ARSB: variants seen among roughly 807,000 people sequenced by gnomAD.
The protein encoded by ARSB is N-acetylgalactosamine-4-sulfatase.
Under a neutral mutation model 50.9 loss-of-function variants are expected in ARSB, and 41 were observed. The ratio of observed to expected loss-of-function variants is 0.81; its 90% CI spans 0.63 to 1.04. The LOEUF (loss-of-function observed/expected upper bound fraction) is 1.04. Among genes scored for constraint, ARSB ranks in the 50% least tolerant of loss-of-function variants. The pLI, the probability that ARSB is intolerant of heterozygous loss-of-function variation, is 0.00. For missense variants in ARSB, 672 were observed against 693.3 expected, an observed-to-expected ratio of 0.97 and a Z score of 0.35; for synonymous variants, 269 against 284.8, an observed-to-expected ratio of 0.94 and a Z score of 0.56.
intron 4 of ARSB, among the ~76,000 whole-genome samples, chr5:78,894,662 T>A (rs1319334873): frequency 6.6e-6 from 1 of 152,148 alleles, no homozygotes; most frequent in African/African-American, 2.4e-5. Flanking sequence ...CAAAAATAAC[T>A]CAATATATCC....
chr5:78,845,631 G>C (rs1041378230), intron 5 of ARSB, among the ~76,000 whole-genome samples: 10 of 152,188 alleles, frequency 6.6e-5, no homozygotes, highest in Admixed American at 3.9e-4. Flanking sequence ...CATGATTAGT[G>C]ATGTTGAGCA....
Position 78,937,356 on chromosome 5 carries a change from ATG to A in ARSB, c.898+17937_898+17938del, listed in dbSNP as rs1271912272. On this transcript the variant is annotated intron_variant, in intron 4 of 7. Coordinates refer to ENST00000264914, the MANE Select transcript of ARSB (RefSeq NM_000046.5). ...TATGTAAGATATATATATCATATAT[ATG>A]TAAGATATATATATGTAAGATATAT... 7.0e-5 allele frequency among the ~76,000 whole-genome samples: 9 copies of A among 129,484 alleles called. 1 individual carries two copies. In the East Asian group the frequency reaches 1.0e-3, roughly 15 times the overall value. The allele number at this position is 129,484 out of a possible 152,430, so 84.9% of individuals were successfully genotyped here.
chr5:78,890,186 A>G (rs1001738653), intron 4 of ARSB, among the ~76,000 whole-genome samples: 13 of 152,062 alleles, frequency 8.5e-5, no homozygotes, highest in African/African-American at 2.9e-4. Flanking sequence ...TTCTCCTGCT[A>G]AAAGATTTTG....
In ARSB at chr5:78,955,320, G is replaced by T. The variant is rs2112483415; in HGVS notation, c.873C>A (p.Asn291Lys). The change falls in exon 4 of 8, where the codon AAC (asparagine) becomes AAA (lysine). Residue 291 changes from asparagine to lysine, a missense_variant. By Grantham distance (94) the Asn-to-Lys change is moderately conservative (BLOSUM62 0). Coordinates refer to ENST00000264914, the MANE Select transcript of ARSB (RefSeq NM_000046.5). ...TAALKSSGLW[N>K]NTVFIFSTDN... ...CTGTAGAAAAGATGAACACCGTGTT[G>T]TTCCAGAGCCCACTGCTTTTTAAAG... 1 of 1,614,184 alleles carries T rather than the reference G, an allele frequency of 6.2e-7. No individual in the cohort carries two copies.
intron 2 of ARSB, among the ~76,000 whole-genome samples, chr5:78,965,318 T>A (rs2112516803): frequency 6.6e-6 from 1 of 152,296 alleles, no homozygotes; most frequent in East Asian, 1.9e-4. Context: ...AAATGTTCCA[T>A]CTTTTCTATA....
At chr5:78,957,099 T>C (rs1278041352) in intron 3 of ARSB, among the ~76,000 whole-genome samples, 3 of 152,160 alleles carry the variant, frequency 2.0e-5, no homozygotes, top group African/African-American at 7.2e-5. Context: ...CAGGTCAGCT[T>C]CTCCTTTTTA....
chr5:78,897,356 T>C (rs190320605), intron 4 of ARSB, among the ~76,000 whole-genome samples: 1 of 152,254 alleles, frequency 6.6e-6, no homozygotes, highest in Admixed American at 6.5e-5. Flanking sequence ...ATACTCTCAG[T>C]AAAAACCACT....
rs1745559368 is a variant in ARSB, at chr5:78,848,311, T to A, written c.1143-8885A>T. Reference sequence around the variant, plus strand: ...CAATTCCCACCTATGAGTGAGAACATGCGGTGTTTGGTTTTTTGTCCTTGC... The same window carrying A: ...CAATTCCCACCTATGAGTGAGAACAAGCGGTGTTTGGTTTTTTGTCCTTGC... On this transcript the variant is annotated intron_variant, in intron 5 of 7. Coordinates refer to ENST00000264914, the MANE Select transcript of ARSB (RefSeq NM_000046.5). Among the ~76,000 whole-genome samples, 2 of 82,394 alleles carry A rather than the reference T, an allele frequency of 2.4e-5. 1 individual carries two copies. The highest frequency in any genetic ancestry group is 8.5e-4 in the South Asian group (2 of 2,358). The allele number at this position is 82,394 out of a possible 152,430, so 54.1% of individuals were successfully genotyped here. A position where few individuals can be genotyped will look rare whatever the true frequency, so the allele number is the denominator to read the frequency against.
intron 4 of ARSB, among the ~76,000 whole-genome samples, chr5:78,929,143 C>A (rs1436216799): frequency 1.3e-5 from 2 of 152,164 alleles, no homozygotes. Flanking sequence ...CCTGGGGAAC[C>A]GTGGCTCCTG....
intron 5 of ARSB, among the ~76,000 whole-genome samples, chr5:78,866,519 A>G (rs1019286555): frequency 2.0e-5 from 3 of 152,216 alleles, no homozygotes; most frequent in African/African-American, 7.2e-5. Context: ...CAGAAAGAGA[A>G]GGTCACACCC....
In ARSB at chr5:78,779,977, T is replaced by C. The variant is rs1748876744; in HGVS notation, c.*420A>G. The C allele has an allele frequency of 8.3e-6, 2 of 239,988 alleles. No individual in the cohort carries two copies. The highest frequency in any genetic ancestry group is 5.8e-5 in the South Asian group (1 of 17,204). 14.9% of individuals were successfully genotyped at this position (239,988 alleles called of 1,614,324 possible). ...AAGCCTTGGCCAACAGAACCATTAA[T>C]CACTGTCTGCTCCCTTCATTTGCGT... On this transcript the variant is annotated 3_prime_UTR_variant, in exon 8 of 8. Coordinates refer to ENST00000264914, the MANE Select transcript of ARSB (RefSeq NM_000046.5).
At chr5:78,787,197 C>A (rs1027582977) in intron 6 of ARSB, among the ~76,000 whole-genome samples, 1 of 152,042 alleles carries the variant, frequency 6.6e-6, no homozygotes, top group Non-Finnish European at 1.5e-5. Context: ...CTCAAGCGAT[C>A]CAGCCTCCCA....
At chr5:78,953,879 A>C (rs1339580879) in intron 4 of ARSB, among the ~76,000 whole-genome samples, 1 of 152,228 alleles carries the variant, frequency 6.6e-6, no homozygotes, top group African/African-American at 2.4e-5. Context: ...ATACACACAC[A>C]CATAATACAC....
intron 6 of ARSB, among the ~76,000 whole-genome samples, chr5:78,819,982 T>C (rs1315688975): frequency 1.3e-5 from 2 of 152,236 alleles, no homozygotes; most frequent in African/African-American, 4.8e-5. Context: ...GGTGGGGCCA[T>C]TGGGAAGTGA....
At chr5:78,858,508 T>C (rs1175504119) in intron 5 of ARSB, among the ~76,000 whole-genome samples, 1 of 152,192 alleles carries the variant, frequency 6.6e-6, no homozygotes, top group Non-Finnish European at 1.5e-5. Context: ...GTTTCCAGTT[T>C]TTGATTTTCA....
chr5:78,928,560 C>G (rs528586308), intron 4 of ARSB, among the ~76,000 whole-genome samples: 1 of 152,256 alleles, frequency 6.6e-6, no homozygotes, highest in South Asian at 2.1e-4. Context: ...AGGTGATCCG[C>G]CCACCTCGGC....
At chr5:78,966,762 A>G (rs190071953) in intron 2 of ARSB, among the ~76,000 whole-genome samples, 1 of 152,186 alleles carries the variant, frequency 6.6e-6, no homozygotes, top group Non-Finnish European at 1.5e-5. Context: ...TCCTCTTCCC[A>G]GAGTATAGAT....
chr5:78,897,645 T>C (rs750200713), intron 4 of ARSB, among the ~76,000 whole-genome samples: 14 of 152,300 alleles, frequency 9.2e-5, no homozygotes, highest in Non-Finnish European at 1.6e-4. Context: ...TTATGGCCCA[T>C]GGGAGTGGCA....
At chr5:78,856,852 C>A (rs939825709) in intron 5 of ARSB, among the ~76,000 whole-genome samples, 2 of 152,144 alleles carry the variant, frequency 1.3e-5, no homozygotes, top group African/African-American at 4.8e-5. Context: ...TCCTCCTGAC[C>A]AATTTCTGAA....
Sources: gnomAD v4.1 joint callset for allele counts (sites outside exome capture counted in the v4.1 genomes callset) on GRCh38, gnomAD v4.1.1 for gene constraint, MANE v1.5 for transcripts, NCBI Gene and HGNC (gene_info 2026-07-23, HGNC 2026-07-21) for gene names.